The following CYRIA variants were observed in gnomAD, a reference collection of about 807,000 sequenced individuals.
CYRIA encodes CYFIP-related Rac1 interactor A.
CYRIA carries 15 observed loss-of-function variants against 43.9 expected under a neutral mutation model. The observed-to-expected ratio is 0.34, with a 90% CI of 0.23 to 0.53. CYRIA has a LOEUF of 0.53. Ranked by LOEUF, CYRIA falls within the 20% of genes least tolerant of loss-of-function variation. The probability of loss-of-function intolerance (pLI) is 0.94; values close to 1 mark genes in which losing one functional copy is unlikely to be tolerated. For missense variants in CYRIA, 236 were observed against 394.2 expected (o/e 0.60, Z 3.40); for synonymous variants, 117 against 136.0 (o/e 0.86, Z 0.97).
intron 1 of CYRIA, among the ~76,000 whole-genome samples, chr2:16,652,807 C>A (rs987310807): frequency 6.6e-6 from 1 of 152,172 alleles, no homozygotes; most frequent in African/African-American, 2.4e-5. Context: ...TTCCTCTGGA[C>A]TCCAATTAAC....
chr2:16,654,290 G>T (rs998457788), intron 1 of CYRIA, among the ~76,000 whole-genome samples: 9 of 152,174 alleles, frequency 5.9e-5, no homozygotes, highest in African/African-American at 7.2e-5. Flanking sequence ...ACATCTGGAA[G>T]TATCCAGAAA....
At chr2:16,659,725 T>C (rs1470468483) in intron 1 of CYRIA, among the ~76,000 whole-genome samples, 1 of 152,242 alleles carries the variant, frequency 6.6e-6, no homozygotes, top group Non-Finnish European at 1.5e-5. Flanking sequence ...TAAGAGCTTG[T>C]CACTCATTGT....
intron 3 of CYRIA, 56 bp from the exon 4 acceptor site, chr2:16,565,823 G>T: frequency 6.8e-7 from 1 of 1,460,220 alleles, no homozygotes; most frequent in South Asian, 1.4e-5. Context: ...TAGCTTGGGA[G>T]GAGGATGGAT....
intron 2 of CYRIA, among the ~76,000 whole-genome samples, chr2:16,598,929 G>T (rs1207915824): frequency 1.4e-4 from 16 of 112,370 alleles, no homozygotes; most frequent in South Asian, 3.3e-4. Flanking sequence ...GTCCTTTCTG[G>T]TTGTTAGTTT....
intron 1 of CYRIA, among the ~76,000 whole-genome samples, chr2:16,655,186 T>C (rs762809705): frequency 5.9e-5 from 9 of 152,328 alleles, no homozygotes; most frequent in African/African-American, 2.2e-4. Context: ...TTCAGACCCA[T>C]GGGGAAGAGG....
intron 1 of CYRIA, among the ~76,000 whole-genome samples, chr2:16,661,100 T>C (rs1450480803): frequency 6.6e-6 from 1 of 151,956 alleles, no homozygotes; most frequent in African/African-American, 2.4e-5. Flanking sequence ...CTGGGCAACA[T>C]GGCGAAACCC....
At chr2:16,607,231 C>T (rs563082335) in intron 2 of CYRIA, among the ~76,000 whole-genome samples, 87 of 144,138 alleles carry the variant, frequency 6.0e-4, no homozygotes, top group African/African-American at 1.9e-3. Flanking sequence ...GCTGTGCAGA[C>T]GGTCAACCTA....
At chr2:16,645,466 G>T (rs939522227) in intron 1 of CYRIA, among the ~76,000 whole-genome samples, 1 of 152,218 alleles carries the variant, frequency 6.6e-6, no homozygotes. Context: ...GACACGGCTA[G>T]TGCAGTATCT....
intron 1 of CYRIA, among the ~76,000 whole-genome samples, chr2:16,642,512 C>G (rs558705912): frequency 6.6e-6 from 1 of 152,330 alleles, no homozygotes; most frequent in East Asian, 1.9e-4. Flanking sequence ...TCCCCCAGTT[C>G]CACCCCTGAC....
intron 9 of CYRIA, chr2:16,560,788 C>T: frequency 1.7e-6 from 1 of 585,072 alleles, no homozygotes; most frequent in Non-Finnish European, 3.0e-6. Flanking sequence ...AGTCAGTCAA[C>T]CACTTTGGGC....
intron 3 of CYRIA, among the ~76,000 whole-genome samples, chr2:16,571,716 T>C (rs749016375): frequency 5.3e-5 from 8 of 152,210 alleles, no homozygotes; most frequent in Non-Finnish European, 1.2e-4. Flanking sequence ...GACTGTTGTA[T>C]AAACACTGAA....
At chr2:16,610,897 C>CATATATAT (rs60848949) in intron 2 of CYRIA, among the ~76,000 whole-genome samples, 2,289 of 91,342 alleles carry the variant, frequency 0.025, 132 homozygotes, top group Non-Finnish European at 0.034. Flanking sequence ...TTAGTCCCAA[C>CATATATAT]ATATATATAT....
At chr2:16,632,123 T>C (rs1669345228) in intron 1 of CYRIA, among the ~76,000 whole-genome samples, 1 of 152,194 alleles carries the variant, frequency 6.6e-6, no homozygotes, top group South Asian at 2.1e-4. Flanking sequence ...GGCACAGCAC[T>C]CTGGGCTGAG....
intron 2 of CYRIA, among the ~76,000 whole-genome samples, chr2:16,620,361 A>G (rs1226501920): frequency 6.6e-6 from 1 of 152,198 alleles, no homozygotes. Flanking sequence ...TTTCACAGCT[A>G]TCTGTGTACT....
At chr2:16,589,822 T>C (rs892974774) in intron 2 of CYRIA, among the ~76,000 whole-genome samples, 3 of 152,032 alleles carry the variant, frequency 2.0e-5, no homozygotes, top group Non-Finnish European at 4.4e-5. Flanking sequence ...TATGCTGTGC[T>C]AGGAAAGAGA....
At chr2:16,630,531 C>T (rs1054617905) in intron 1 of CYRIA, among the ~76,000 whole-genome samples, 1 of 152,128 alleles carries the variant, frequency 6.6e-6, no homozygotes, top group South Asian at 2.1e-4. Flanking sequence ...GTGAGTGCAC[C>T]CATGTTCAGG....
intron 1 of CYRIA, among the ~76,000 whole-genome samples, chr2:16,658,819 G>A (rs1670177662): frequency 6.6e-6 from 1 of 152,106 alleles, no homozygotes; most frequent in African/African-American, 2.4e-5. Flanking sequence ...GAAAGAGCAG[G>A]GGTGTTCATC....
chr2:16,613,557 G>T (rs1292470546), intron 2 of CYRIA, among the ~76,000 whole-genome samples: 1 of 149,464 alleles, frequency 6.7e-6, no homozygotes, highest in Non-Finnish European at 1.5e-5. Flanking sequence ...AGTTTGAAGA[G>T]TTACTATATT....
At chr2:16,576,661 G>A (rs1667357460) in intron 3 of CYRIA, among the ~76,000 whole-genome samples, 1 of 152,144 alleles carries the variant, frequency 6.6e-6, no homozygotes, top group Admixed American at 6.5e-5. Flanking sequence ...GCCTCCTCCA[G>A]TAGAGTGTAA....
Sources: gnomAD v4.1 joint callset for allele counts (sites outside exome capture counted in the v4.1 genomes callset) on GRCh38, gnomAD v4.1.1 for gene constraint, MANE v1.5 for transcripts, NCBI Gene and HGNC (gene_info 2026-07-23, HGNC 2026-07-21) for gene names.